Variants in NAT10 observed in about 807,000 individuals in gnomAD.
The protein encoded by NAT10 is N-acetyltransferase 10, also known as RNA cytidine acetyltransferase.
In NAT10, 109 loss-of-function variants were observed where a neutral mutation model predicts 132.2. The observed-to-expected ratio is 0.82, with a 90% CI of 0.71 to 0.97. The LOEUF is 0.97. NAT10 is among the 50% of genes least tolerant of loss of function. NAT10 has a pLI of 0.00. For synonymous variants in NAT10, 479 were observed against 478.0 expected (o/e 1.00, Z -0.03); for missense variants, 1,184 against 1,263.4 (o/e 0.94, Z 0.95).
rs1472590252 is a variant in NAT10 at position 34,128,341 on chromosome 11, G to A, written c.1244+742G>A. On this transcript the variant is annotated intron_variant, in intron 12 of 28. Transcript: ENST00000257829. ...TGCTCTCCAGTCTGGGCGACAGAGC[G>A]AGACTGTCTCAAAAACAAAACAAAA... Among the ~76,000 whole-genome samples, 6 of 141,804 alleles carry A rather than the reference G, an allele frequency of 4.2e-5. No individual in the cohort carries two copies. The East Asian group carries it at 8.2e-4, about 19-fold the overall frequency. 93.0% of individuals were successfully genotyped at this position (141,804 alleles called of 152,430 possible). A position where few individuals can be genotyped will look rare whatever the true frequency, so the allele number is the denominator to read the frequency against.
At chr11:34,145,285 C>G (rs924219120) in intron 28 of NAT10, among the ~76,000 whole-genome samples, 2 of 152,192 alleles carry the variant, frequency 1.3e-5, no homozygotes, top group Non-Finnish European at 2.9e-5. Flanking sequence ...CTTGATGGCT[C>G]TGAGTAAATG....
Position 34,133,099 on chromosome 11 carries a change from C to A in NAT10, c.1691C>A (p.Pro564His), listed in dbSNP as rs773784406. 1.9e-6 allele frequency: 3 copies of A among 1,613,998 alleles called. No homozygotes were observed. Among genetic ancestry groups the A allele is most frequent in the African/African-American group, 1.3e-5 (1 of 74,922 alleles). ...CTCTTCTGCCTTCTGCCTCCCGTGC[C>A]CCCCACCCAGAATGCCCTTCCAGAA... ...HHLFCLLPPV[P>H]PTQNALPEVL... Residue 564 changes from proline (P) to histidine (H), a missense_variant, in exon 16 of 29, where the codon CCC becomes CAC. Pro to His is a moderately conservative substitution (Grantham distance 77). Coordinates refer to ENST00000257829, the MANE Select transcript of NAT10 (RefSeq NM_024662.3).
At chr11:34,140,962 A>G (rs1030433136) in intron 24 of NAT10, 127 bp from the exon 25 acceptor site, 26 of 1,268,132 alleles carry the variant, frequency 2.1e-5, no homozygotes, top group Middle Eastern at 3.9e-4. Context: ...GAAGATGCCA[A>G]TATACACAGT....
chr11:34,114,201 T>C (rs1328212360), intron 5 of NAT10, among the ~76,000 whole-genome samples: 1 of 152,234 alleles, frequency 6.6e-6, no homozygotes, highest in Non-Finnish European at 1.5e-5. Flanking sequence ...TGCAGACTGC[T>C]CACTGGCCCT....
chr11:34,108,458 G>A (rs1466501454), intron 2 of NAT10, 125 bp downstream of exon 2: 1 of 776,870 alleles, frequency 1.3e-6, no homozygotes, highest in Non-Finnish European at 2.1e-6. Context: ...GATGCCTAGT[G>A]GGAACCTTTC....
rs760835437 is a variant in NAT10, at chr11:34,113,858, C to T, written c.495+20C>T. 1.2e-6 allele frequency: 2 copies of T among 1,609,808 alleles called. No individual in the cohort carries two copies. Among genetic ancestry groups the T allele is most frequent in the Non-Finnish European group, 8.5e-7 (1 of 1,178,108 alleles). On this transcript the variant is annotated intron_variant, in intron 5 of 28. Transcript: ENST00000257829. ...ACTATGGTAAGCATCTGTTTTTTAA[C>T]TTAATTGTGAGGGTTCAAGTAAATC... is the stretch of plus-strand genomic sequence containing the variant.
chr11:34,134,184 T>G, intron 16 of NAT10, 135 bp from the exon 17 acceptor site: 3 of 710,478 alleles, frequency 4.2e-6, no homozygotes, highest in East Asian at 2.6e-5. Flanking sequence ...GGGGAATGGA[T>G]GTGTCAGTGT....
rs916956578 is a variant in NAT10 at position 34,142,333 on chromosome 11, G to A, written c.2870G>A (p.Ser957Asn). ...AAGAAGGAAGTAGGGAAGCTGAAGA[G>A]CATGGACCTCTCTGAGTAAGGCTTG... ...KHKKEVGKLK[S>N]MDLSEYIIRG... is the part of the protein sequence containing the mutation. Residue 957 changes from serine to asparagine, a missense_variant, in exon 27 of 29, where the codon AGC (serine) becomes AAC (asparagine). Physicochemically the swap from Ser to Asn is conservative, Grantham distance 46 (BLOSUM62 1). Transcript: ENST00000257829. The A allele has an allele frequency of 9.3e-6, 15 of 1,614,128 alleles. No homozygotes were observed. The highest frequency in any genetic ancestry group is 1.3e-5 in the Non-Finnish European group (15 of 1,179,990).
At chr11:34,139,577 G>A in intron 23 of NAT10, 82 bp downstream of exon 23, 2 of 1,297,494 alleles carry the variant, frequency 1.5e-6, no homozygotes. Flanking sequence ...GGAAGGGTTT[G>A]GGCTGGAAAT....
intron 23 of NAT10, among the ~76,000 whole-genome samples, chr11:34,140,037 G>A (rs182747585): frequency 6.6e-5 from 10 of 152,324 alleles, no homozygotes; most frequent in Admixed American, 5.9e-4. Flanking sequence ...GGAGAAATCC[G>A]TATATCTTGA....
At chr11:34,117,899 C>A (rs1418427219) in intron 6 of NAT10, among the ~76,000 whole-genome samples, 1 of 152,088 alleles carries the variant, frequency 6.6e-6, no homozygotes, top group Non-Finnish European at 1.5e-5. Context: ...AGGAGAGGGC[C>A]ACGTGGTGTA....
chr11:34,123,488 C>T (rs1343794017), intron 9 of NAT10, among the ~76,000 whole-genome samples: 3 of 152,252 alleles, frequency 2.0e-5, no homozygotes, highest in African/African-American at 7.2e-5. Flanking sequence ...CTTCTTGTAG[C>T]AGTGCACTGG....
rs1851911456 is a variant in NAT10 at position 34,122,497 on chromosome 11, A to G, written c.819A>G (p.Glu273=). ...AVLKFIEGIS[E]KTLRSTVALT... ...TGAAATTTATCGAGGGCATCTCTGA[A>G]AAGACCCTGAGGAGTACTGTTGCAC... The change falls in exon 9 of 29, where the codon GAA becomes GAG. Residue 273 remains glutamate (E), a synonymous_variant. Transcript: ENST00000257829. The G allele has an allele frequency of 1.2e-6, 2 of 1,614,114 alleles. No homozygotes were observed. The highest frequency in any genetic ancestry group is 1.3e-5 in the African/African-American group (1 of 74,934).
At chr11:34,133,427 T>G (rs1027537594) in intron 16 of NAT10, among the ~76,000 whole-genome samples, 2 of 152,216 alleles carry the variant, frequency 1.3e-5, no homozygotes, top group African/African-American at 4.8e-5. Flanking sequence ...GTTTTCTCCC[T>G]TTATTACAAA....
In NAT10 at chr11:34,121,714, G is replaced by T. The variant is rs369147776; in HGVS notation, c.781-745G>T. The stretch of plus-strand genomic sequence containing the variant: ...GTCTCTACTAAAAATACAAAAATTA[G>T]CTGGGCATGGTGGTGTGCGCCTGTA... On this transcript the variant is annotated intron_variant, in intron 8 of 28. Transcript: ENST00000257829. Among the ~76,000 whole-genome samples the T allele has an allele frequency of 2.0e-4, 30 of 151,762 alleles. 1 individual carries two copies. The highest frequency in any genetic ancestry group is 9.2e-4 in the Admixed American group (14 of 15,228).
At position 34,108,272 on chromosome 11, in the gene NAT10, ATG is replaced by A. The variant is rs771750573; in HGVS notation, c.48_49del (p.Asn16LysfsTer4). 3.7e-6 allele frequency: 6 copies of A among 1,614,210 alleles called. No homozygotes were observed. Among genetic ancestry groups the A allele is most frequent in the Non-Finnish European group, 5.1e-6 (6 of 1,180,028 alleles). ...AACCGAATCCGGATTCTCATTGAGA[ATG>A]GAGTAGCTGAGCGGCAAAGATCTCT... On this transcript the variant is annotated frameshift_variant, in exon 2 of 29. Coordinates refer to ENST00000257829, the MANE Select transcript of NAT10 (RefSeq NM_024662.3). LOFTEE classifies it high-confidence loss of function.
chr11:34,141,955 A>C, intron 26 of NAT10, 138 bp downstream of exon 26: 1 of 740,126 alleles, frequency 1.4e-6, no homozygotes, highest in Non-Finnish European at 2.2e-6. Flanking sequence ...TGTAGGTTTA[A>C]TTGGACAAAC....
rs1322748157 is a variant in NAT10, at chr11:34,134,555, T to G, written c.1880T>G (p.Val627Gly). The change falls in exon 18 of 29, where the codon GTT becomes GGT. Residue 627 changes from valine to glycine, a missense_variant. Physicochemically the swap from Val to Gly is moderately radical, Grantham distance 109. Coordinates refer to ENST00000257829, the MANE Select transcript of NAT10 (RefSeq NM_024662.3). ...GGTGGTCTGTCTGGTGGAAGGGTCG[T>G]TCGCATTGCTGTTCACCCAGATTAT... The part of the protein sequence containing the change: ...DFGGLSGGRV[V>G]RIAVHPDYQG... 6 of 1,614,076 alleles carry G rather than the reference T, an allele frequency of 3.7e-6. No individual in the cohort carries two copies. In the Admixed American group the frequency reaches 1.0e-4, roughly 27 times the overall value.
intron 16 of NAT10, among the ~76,000 whole-genome samples, 168 bp downstream of exon 16, chr11:34,133,310 T>A (rs1852140014): frequency 6.6e-6 from 1 of 152,072 alleles, no homozygotes; most frequent in African/African-American, 2.4e-5. Context: ...CTGGAAGAGG[T>A]TAGCGCCACT....
Sources: gnomAD v4.1 joint callset for allele counts (sites outside exome capture counted in the v4.1 genomes callset) on GRCh38, gnomAD v4.1.1 for gene constraint, MANE v1.5 for transcripts, NCBI Gene and HGNC (gene_info 2026-07-23, HGNC 2026-07-21) for gene names.